The following AGBL1 variants were observed in gnomAD, a reference collection of about 807,000 sequenced individuals.
AGBL1 encodes the protein AGBL carboxypeptidase 1.
AGBL1 carries 130 observed loss-of-function variants against 118.9 expected under a neutral mutation model. That is an observed-to-expected ratio of 1.09 (90% CI 0.95 to 1.26). The LOEUF (loss-of-function observed/expected upper bound fraction) is 1.26, where lower values mean the gene tolerates loss of function less well. Ranked by LOEUF, AGBL1 falls within the 50% of genes most tolerant of loss-of-function variation. The pLI is 0.00. For synonymous variants in AGBL1, 555 were observed against 478.9 expected, an observed-to-expected ratio of 1.16 and a Z score of -2.08; for missense variants, 1,584 against 1,298.1, an observed-to-expected ratio of 1.22 and a Z score of -3.38.
chr15:86,646,331 T>C (rs2085279169), intron 21 of AGBL1, among the ~76,000 whole-genome samples: 1 of 152,190 alleles, frequency 6.6e-6, no homozygotes, highest in Non-Finnish European at 1.5e-5. Flanking sequence ...AATTTCAGTT[T>C]AGTGGCTATT....
chr15:86,345,709 C>A (rs2080525994), intron 17 of AGBL1, among the ~76,000 whole-genome samples: 1 of 152,072 alleles, frequency 6.6e-6, no homozygotes, highest in African/African-American at 2.4e-5. Flanking sequence ...CAATTGAGGG[C>A]TTGACAATTG....
At chr15:86,507,424 A>T (rs1165189454) in intron 18 of AGBL1, among the ~76,000 whole-genome samples, 1 of 152,156 alleles carries the variant, frequency 6.6e-6, no homozygotes, top group African/African-American at 2.4e-5. Context: ...TCTATGTGTC[A>T]CGAATTGTTT....
chr15:86,600,615 G>T (rs897507075), intron 21 of AGBL1, among the ~76,000 whole-genome samples: 2 of 152,062 alleles, frequency 1.3e-5, no homozygotes, highest in African/African-American at 4.8e-5. Context: ...CCTACAGAAG[G>T]CACCTTAGGT....
chr15:86,987,340 ACAT>A (rs2081295687), intron 23 of AGBL1, among the ~76,000 whole-genome samples: 3 of 152,078 alleles, frequency 2.0e-5, no homozygotes, highest in Admixed American at 1.3e-4. Flanking sequence ...TGATTTTTGT[ACAT>A]TGTTTTGCAT....
chr15:86,608,349 T>G (rs1024324290), intron 21 of AGBL1, among the ~76,000 whole-genome samples: 74 of 152,212 alleles, frequency 4.9e-4, no homozygotes, highest in African/African-American at 1.8e-3. Context: ...GACTGCTCTT[T>G]GTCCTTTTCC....
chr15:86,988,695 T>C (rs779092769), intron 24 of AGBL1, among the ~76,000 whole-genome samples: 1 of 152,226 alleles, frequency 6.6e-6, no homozygotes, highest in African/African-American at 2.4e-5. Context: ...GTTCGAATTA[T>C]ACTTTGTAAC....
At chr15:86,439,066 G>A (rs1424730263) in intron 18 of AGBL1, among the ~76,000 whole-genome samples, 4 of 152,210 alleles carry the variant, frequency 2.6e-5, no homozygotes, top group Admixed American at 6.5e-5. Context: ...AACTCAACCA[G>A]GTAGGGAATG....
intron 18 of AGBL1, among the ~76,000 whole-genome samples, chr15:86,457,302 G>A (rs1051254908): frequency 6.6e-6 from 1 of 152,124 alleles, no homozygotes; most frequent in Non-Finnish European, 1.5e-5. Context: ...ATGAACAAAA[G>A]GCTTTTGGTT....
chr15:86,569,975 G>A (rs575048626), intron 21 of AGBL1, among the ~76,000 whole-genome samples: 1 of 152,324 alleles, frequency 6.6e-6, no homozygotes, highest in Non-Finnish European at 1.5e-5. Flanking sequence ...TGTGACTGTT[G>A]TAAATGCATA....
At chr15:86,356,827 C>T (rs923476073) in intron 17 of AGBL1, among the ~76,000 whole-genome samples, 5 of 152,112 alleles carry the variant, frequency 3.3e-5, no homozygotes, top group African/African-American at 1.2e-4. Flanking sequence ...AGAAGCAAGG[C>T]GATGCAGATT....
intron 22 of AGBL1, among the ~76,000 whole-genome samples, chr15:86,697,572 A>G (rs1238736795): frequency 1.3e-5 from 2 of 150,978 alleles, no homozygotes; most frequent in Non-Finnish European, 2.9e-5. Context: ...TAGCTTGATA[A>G]TCAACCTTCT....
At chr15:86,558,115 A>G (rs977283839) in intron 21 of AGBL1, among the ~76,000 whole-genome samples, 3 of 152,148 alleles carry the variant, frequency 2.0e-5, no homozygotes, top group South Asian at 2.1e-4. Flanking sequence ...TAGTTCAGGT[A>G]TGGAATCTCT....
At chr15:86,517,754 A>C (rs189376137) in intron 18 of AGBL1, among the ~76,000 whole-genome samples, 1 of 152,348 alleles carries the variant, frequency 6.6e-6, no homozygotes, top group Non-Finnish European at 1.5e-5. Context: ...TTTGAGCTTT[A>C]GAACAACTGT....
chr15:86,532,078 C>T (rs2083357616), intron 19 of AGBL1, among the ~76,000 whole-genome samples: 1 of 151,376 alleles, frequency 6.6e-6, no homozygotes, highest in Non-Finnish European at 1.5e-5. Flanking sequence ...CTCACCGCTC[C>T]TATTCAACAT....
At chr15:86,312,871 G>T (rs1399964704) in intron 17 of AGBL1, among the ~76,000 whole-genome samples, 1 of 152,146 alleles carries the variant, frequency 6.6e-6, no homozygotes, top group Non-Finnish European at 1.5e-5. Context: ...TCATTGGGCT[G>T]AAACACTGAG....
intron 18 of AGBL1, among the ~76,000 whole-genome samples, chr15:86,504,151 C>G (rs2082947681): frequency 6.6e-6 from 1 of 151,564 alleles, no homozygotes; most frequent in Non-Finnish European, 1.5e-5. Flanking sequence ...TGAATTAACC[C>G]TTTATCATTA....
intron 17 of AGBL1, among the ~76,000 whole-genome samples, chr15:86,351,860 C>A (rs2080632241): frequency 6.6e-6 from 1 of 152,122 alleles, no homozygotes; most frequent in African/African-American, 2.4e-5. Flanking sequence ...TTTCACATAT[C>A]CTTCCTTTCC....
At chr15:86,677,322 G>A (rs755564601) in intron 22 of AGBL1, among the ~76,000 whole-genome samples, 21 of 152,266 alleles carry the variant, frequency 1.4e-4, no homozygotes, top group South Asian at 2.1e-4. Flanking sequence ...GTTTCCTTTT[G>A]CAGTCCTCTT....
chr15:86,629,623 C>T (rs1159553647), intron 21 of AGBL1, among the ~76,000 whole-genome samples: 8 of 152,192 alleles, frequency 5.3e-5, no homozygotes, highest in African/African-American at 7.2e-5. Context: ...CCATCAGCTT[C>T]GTCCAAGGTA....
Sources: gnomAD v4.1 joint callset for allele counts (sites outside exome capture counted in the v4.1 genomes callset) on GRCh38, gnomAD v4.1.1 for gene constraint, MANE v1.5 for transcripts, NCBI Gene and HGNC (gene_info 2026-07-23, HGNC 2026-07-21) for gene names.